NR1H3: variants seen among roughly 807,000 people sequenced by gnomAD.
NR1H3 encodes the protein oxysterols receptor LXR-alpha.
Under a neutral mutation model 48.1 loss-of-function variants are expected in NR1H3, and 19 were observed. The observed-to-expected ratio is 0.40, with a 90% confidence interval of 0.28 to 0.58. The LOEUF (loss-of-function observed/expected upper bound fraction) is 0.58, where lower values mean the gene tolerates loss of function less well. NR1H3 is among the 20% of genes least tolerant of loss of function. The probability of loss-of-function intolerance (pLI) is 0.50; values close to 1 mark genes in which losing one functional copy is unlikely to be tolerated. For missense variants in NR1H3, 486 were observed against 595.9 expected, an observed-to-expected ratio of 0.82 and a Z score of 1.92; for synonymous variants, 232 against 227.3, an observed-to-expected ratio of 1.02 and a Z score of -0.19.
chr11:47,248,570 G>T (rs1954323488), upstream of NR1H3: 2 of 1,551,626 alleles, frequency 1.3e-6, no homozygotes, highest in Non-Finnish European at 1.7e-6. Flanking sequence ...CAGGCCAGTC[G>T]TCCCCTCCTA....
chr11:47,263,922 A>G lies in NR1H3; in HGVS notation c.988+1904A>G, dbSNP rs1290028884. Among the ~76,000 whole-genome samples, 3 of 151,980 alleles carry G rather than the reference A, an allele frequency of 2.0e-5. No homozygotes were observed. In the East Asian group the frequency reaches 5.8e-4, roughly 29 times the overall value. On this transcript the variant is annotated intron_variant, in intron 7 of 9. Transcript: ENST00000441012. ...CAGGCCCCTCCCCTACTCTTTTTCA[A>G]TTGCACTTTCTGACGAACCAGAACC...
chr11:47,254,290 C>T (rs999524360), upstream of NR1H3, among the ~76,000 whole-genome samples: 3 of 152,312 alleles, frequency 2.0e-5, no homozygotes, highest in Admixed American at 1.3e-4. Context: ...AGATAGGGCA[C>T]CAGGCCCCAG....
chr11:47,252,514 C>T (rs1055669363), intron 1 of NR1H3, among the ~76,000 whole-genome samples: 4 of 152,006 alleles, frequency 2.6e-5, no homozygotes. Context: ...CCATTTTGGC[C>T]TCCCAAAGTG....
chr11:47,260,375 G>A lies in NR1H3; in HGVS notation c.233-34G>A, dbSNP rs371886672. Reference sequence around the variant, plus strand: ...CAGGGAGAACATGATGTTTTTCCTCGGGGGAGAGCGTTGAAGCACTTTCCT... The same window carrying A: ...CAGGGAGAACATGATGTTTTTCCTCAGGGGAGAGCGTTGAAGCACTTTCCT... On this transcript the variant is annotated intron_variant, in intron 3 of 9. Transcript: ENST00000441012. The A allele has an allele frequency of 7.0e-6, 11 of 1,577,746 alleles. No homozygotes were observed. Among genetic ancestry groups the A allele is most frequent in the African/African-American group, 4.1e-5 (3 of 73,982 alleles).
chr11:47,253,989 G>A (rs1389514607), upstream of NR1H3, among the ~76,000 whole-genome samples: 1 of 152,156 alleles, frequency 6.6e-6, no homozygotes, highest in Non-Finnish European at 1.5e-5. Flanking sequence ...GAAACTCCAT[G>A]GAAATACTGC....
intron 1 of NR1H3, among the ~76,000 whole-genome samples, chr11:47,249,827 C>A (rs1173123996): frequency 6.6e-6 from 1 of 152,114 alleles, no homozygotes; most frequent in Non-Finnish European, 1.5e-5. Flanking sequence ...GGCGCCGTGG[C>A]TCACCTGTAA....
chr11:47,261,584 C>T lies in NR1H3; in HGVS notation c.746C>T (p.Ala249Val). The change falls in exon 6 of 10, where the codon GCC becomes GTC. Residue 249 changes from alanine (A) to valine (V), a missense_variant. By Grantham distance (64) the Ala-to-Val change is moderately conservative (BLOSUM62 0). Transcript: ENST00000441012. ...PMAPDPHSRE[A>V]RQQRFAHFTE... Reference sequence around the variant, plus strand: ...GCACCAGATCCCCATAGCCGGGAGGCCCGTCAGCAGCGCTTTGCCCACTTC... The same window carrying T: ...GCACCAGATCCCCATAGCCGGGAGGTCCGTCAGCAGCGCTTTGCCCACTTC... The T allele has an allele frequency of 6.2e-7, 1 of 1,614,216 alleles. No individual in the cohort carries two copies. The highest frequency in any genetic ancestry group is 8.5e-7 in the Non-Finnish European group (1 of 1,180,032).
chr11:47,257,010 G>A (rs1300328534), upstream of NR1H3, among the ~76,000 whole-genome samples: 3 of 152,124 alleles, frequency 2.0e-5, no homozygotes, highest in Non-Finnish European at 2.9e-5. Context: ...GATTACAGGC[G>A]TGAGCCACCG....
In NR1H3 at chr11:47,268,717, C is replaced by G. The variant is rs1050949; in HGVS notation, c.*21C>G. 5 of 1,609,472 alleles carry G rather than the reference C, an allele frequency of 3.1e-6. No individual in the cohort carries two copies. The African/African-American group carries it at 5.3e-5, about 17-fold the overall frequency. On this transcript the variant is annotated 3_prime_UTR_variant, in exon 10 of 10. Transcript: ENST00000441012. The stretch of plus-strand genomic sequence containing the variant: ...AATGACTGTTCTGTCCCCATATTTT[C>G]TGTTTTCTTGGCCGGATGGCTGAGG...
chr11:47,249,680 T>G (rs147063159), intron 1 of NR1H3, among the ~76,000 whole-genome samples: 1 of 152,264 alleles, frequency 6.6e-6, no homozygotes, highest in East Asian at 1.9e-4. Flanking sequence ...TGCAGCCAGT[T>G]TGGCCTCAGG....
At chr11:47,255,613 CTCTCTTTCTTTCTTTCTT>C (rs1328591994), upstream of NR1H3, among the ~76,000 whole-genome samples, 54 of 111,630 alleles carry the variant, frequency 4.8e-4, no homozygotes, top group African/African-American at 1.0e-3. Context: ...CTCTCTCTCT[CTCTCTTTCTTTCTTTCTT>C]TCTTTCTTTC....
chr11:47,260,821 A>C, intron 4 of NR1H3, 146 bp downstream of exon 4: 92 of 1,098,710 alleles, frequency 8.4e-5, no homozygotes, highest in Non-Finnish European at 1.1e-4. Context: ...GCGGTGGCTC[A>C]TGCCTGTAAT....
rs971730652 is a variant in NR1H3, at chr11:47,258,147, C to A, written c.-38+18C>A. 8.1e-6 allele frequency: 8 copies of A among 985,150 alleles called. No homozygotes were observed. In the African/African-American group the frequency reaches 1.4e-4, roughly 17 times the overall value. 61.0% of individuals were successfully genotyped at this position (985,150 alleles called of 1,614,324 possible). ...GGGATTTGGTGGGTCTGCTCCTTAG[C>A]AGTGGCCTGGGGCTCTGTGTGTGTA... On this transcript the variant is annotated intron_variant, in intron 1 of 9. Coordinates refer to ENST00000441012, the MANE Select transcript of NR1H3 (RefSeq NM_005693.4).
chr11:47,261,249 T>G lies in NR1H3; in HGVS notation c.508T>G (p.Ser170Ala), dbSNP rs1222731029. 7 of 1,600,134 alleles carry G rather than the reference T, an allele frequency of 4.4e-6. No individual in the cohort carries two copies. The highest frequency in any genetic ancestry group is 6.0e-6 in the Non-Finnish European group (7 of 1,172,702). The part of the protein sequence containing the change: ...QAGMREECVL[S>A]EEQIRLKKLK... ...TTTGGCCCTGTCCTTAGGTGTCCTG[T>G]CAGAAGAACAGATCCGCCTGAAGAA... Residue 170 changes from serine (S) to alanine (A), a missense_variant, in exon 5 of 10, where the codon TCA (serine) becomes GCA (alanine). Physicochemically the swap from Ser to Ala is moderately conservative, Grantham distance 99 (BLOSUM62 1). Coordinates refer to ENST00000441012, the MANE Select transcript of NR1H3 (RefSeq NM_005693.4).
upstream of NR1H3, chr11:47,248,333 C>A: frequency 8.8e-7 from 1 of 1,141,502 alleles, no homozygotes; most frequent in African/African-American, 1.5e-5. Context: ...CTACTGGAGA[C>A]CATAGGCAAA....
At chr11:47,255,525 CTCTTTCTTTCTTTCTTTTTCTT>C (rs1211889307), upstream of NR1H3, among the ~76,000 whole-genome samples, 8 of 143,200 alleles carry the variant, frequency 5.6e-5, no homozygotes, top group African/African-American at 1.7e-4. Context: ...GTGATAGACT[CTCTTTCTTTCTTTCTTTTTCTT>C]TCTTTCTTTC....
At chr11:47,261,487 A>G in intron 5 of NR1H3, 38 bp downstream of exon 5, 1 of 1,610,790 alleles carries the variant, frequency 6.2e-7, no homozygotes, top group Non-Finnish European at 8.5e-7. Flanking sequence ...CTGCGCCCAG[A>G]TCACCAGTGG....
upstream of NR1H3, among the ~76,000 whole-genome samples, chr11:47,255,615 C>CTTTCTTTCTTTCTTTCTTTCTT (rs1319335153): frequency 1.1e-5 from 1 of 93,128 alleles, no homozygotes; most frequent in African/African-American, 4.8e-5. Flanking sequence ...CTCTCTCTCT[C>CTTTCTTTCTTTCTTTCTTTCTT]TCTTTCTTTC....
upstream of NR1H3, among the ~76,000 whole-genome samples, chr11:47,256,000 G>T (rs1173060723): frequency 6.6e-6 from 1 of 151,232 alleles, no homozygotes; most frequent in Non-Finnish European, 1.5e-5. Flanking sequence ...CAACAACCTT[G>T]TGTGGTAAAA....
Sources: gnomAD v4.1 joint callset for allele counts (sites outside exome capture counted in the v4.1 genomes callset) on GRCh38, gnomAD v4.1.1 for gene constraint, MANE v1.5 for transcripts, NCBI Gene and HGNC (gene_info 2026-07-23, HGNC 2026-07-21) for gene names.